RASGRP3: variants seen among roughly 807,000 people sequenced by gnomAD.
RASGRP3 encodes RAS guanyl releasing protein 3.
In RASGRP3, 54 loss-of-function variants were observed where a neutral mutation model predicts 82.7. That is an observed-to-expected ratio of 0.65 (90% CI 0.52 to 0.82). The LOEUF is 0.82. Among genes scored for constraint, RASGRP3 ranks in the 40% least tolerant of loss-of-function variants. The pLI is 0.00. For missense variants in RASGRP3, 861 were observed against 828.9 expected, an observed-to-expected ratio of 1.04 and a Z score of -0.48; for synonymous variants, 309 against 300.5, an observed-to-expected ratio of 1.03 and a Z score of -0.29.
At chr2:33,517,453 G>T (rs1236083763) in intron 4 of RASGRP3, among the ~76,000 whole-genome samples, 1 of 152,246 alleles carries the variant, frequency 6.6e-6, no homozygotes, top group African/African-American at 2.4e-5. Context: ...CTTAGAGAGA[G>T]AGGCACAGCC....
intron 13 of RASGRP3, among the ~76,000 whole-genome samples, chr2:33,548,538 G>A (rs1245021496): frequency 2.0e-5 from 3 of 151,900 alleles, no homozygotes; most frequent in Non-Finnish European, 2.9e-5. Flanking sequence ...CGGGGAGGCT[G>A]GAGAGTGCTG....
At chr2:33,515,353 AGTTT>A in intron 3 of RASGRP3, 147 bp downstream of exon 3, 1 of 716,992 alleles carries the variant, frequency 1.4e-6, no homozygotes, top group South Asian at 1.7e-5. Context: ...CTGTCTCTCC[AGTTT>A]CACTGCCCTC....
intron 1 of RASGRP3, among the ~76,000 whole-genome samples, chr2:33,477,709 G>T (rs1182993832): frequency 6.6e-6 from 1 of 152,190 alleles, no homozygotes; most frequent in Non-Finnish European, 1.5e-5. Context: ...ATGCTTCAGA[G>T]GAAAGGCAAA....
intron 1 of RASGRP3, among the ~76,000 whole-genome samples, chr2:33,490,409 G>C (rs1668749472): frequency 6.6e-6 from 1 of 152,152 alleles, no homozygotes; most frequent in Non-Finnish European, 1.5e-5. Context: ...AACTACCTTT[G>C]TCAAGGTCAC....
At chr2:33,523,103 C>T (rs531094163) in intron 7 of RASGRP3, among the ~76,000 whole-genome samples, 4 of 152,086 alleles carry the variant, frequency 2.6e-5, no homozygotes, top group African/African-American at 9.6e-5. Flanking sequence ...ATTATATTTA[C>T]GTTCATTTCC....
intron 3 of RASGRP3, 124 bp downstream of exon 3, chr2:33,515,330 G>A: frequency 1.1e-6 from 1 of 941,694 alleles, no homozygotes. Context: ...AGGCCTTTCG[G>A]ATGGACCCGG....
intron 2 of RASGRP3, chr2:33,514,056 T>C (rs910402969): frequency 1.3e-5 from 2 of 152,218 alleles, no homozygotes; most frequent in Non-Finnish European, 2.9e-5. Context: ...CATCACCTCA[T>C]CTGTAAACTG....
chr2:33,457,166 G>GGACC (rs1666086920), intron 2 of RASGRP3, among the ~76,000 whole-genome samples: 1 of 151,788 alleles, frequency 6.6e-6, no homozygotes, highest in Admixed American at 6.6e-5. Flanking sequence ...CCGCCATGCC[G>GGACC]GACCGCTAAG....
chr2:33,474,566 G>T (rs546901532), upstream of RASGRP3, among the ~76,000 whole-genome samples: 8 of 152,292 alleles, frequency 5.3e-5, no homozygotes, highest in South Asian at 1.7e-3. Context: ...GCCTCCCAAA[G>T]TGCTGGGATT....
At chr2:33,513,483 T>C (rs180741655) in intron 2 of RASGRP3, among the ~76,000 whole-genome samples, 54 of 152,354 alleles carry the variant, frequency 3.5e-4, no homozygotes, top group Admixed American at 3.1e-3. Flanking sequence ...GTTCCTGGCA[T>C]AGGTCAGGTG....
intron 1 of RASGRP3, among the ~76,000 whole-genome samples, chr2:33,499,162 C>G (rs2150975401): frequency 6.6e-6 from 1 of 152,284 alleles, no homozygotes; most frequent in Non-Finnish European, 1.5e-5. Flanking sequence ...AAGATTCACC[C>G]CATCCCTGGT....
At chr2:33,508,278 A>G (rs1238561212) in intron 1 of RASGRP3, among the ~76,000 whole-genome samples, 1 of 152,206 alleles carries the variant, frequency 6.6e-6, no homozygotes, top group African/African-American at 2.4e-5. Flanking sequence ...TCAAGGGGAA[A>G]TTTTGAGTTA....
intron 1 of RASGRP3, among the ~76,000 whole-genome samples, chr2:33,478,863 G>A (rs13031142): frequency 0.47 from 70,916 of 151,976 alleles, 17,563 homozygotes; most frequent in Middle Eastern, 0.56. Context: ...CAAATGATGC[G>A]CTAAACAAGT....
At chr2:33,528,529 C>T (rs1672795805) in intron 10 of RASGRP3, among the ~76,000 whole-genome samples, 1 of 152,218 alleles carries the variant, frequency 6.6e-6, no homozygotes, top group Non-Finnish European at 1.5e-5. Flanking sequence ...ACTGTAGCAT[C>T]TGAAACTCAG....
At chr2:33,446,836 T>C (rs1665526536) in intron 1 of RASGRP3, among the ~76,000 whole-genome samples, 1 of 151,690 alleles carries the variant, frequency 6.6e-6, no homozygotes. Context: ...TAAAAAAATA[T>C]ATCAATAGAA....
At chr2:33,536,109 C>G (rs1297683072) in intron 11 of RASGRP3, among the ~76,000 whole-genome samples, 1 of 151,942 alleles carries the variant, frequency 6.6e-6, no homozygotes, top group East Asian at 1.9e-4. Flanking sequence ...TTGAGACCAG[C>G]CTGGCCAACA....
chr2:33,525,358 T>G (rs1574421883), intron 9 of RASGRP3, among the ~76,000 whole-genome samples: 1 of 144,036 alleles, frequency 6.9e-6, no homozygotes, highest in Non-Finnish European at 1.5e-5. Context: ...ATATATATAT[T>G]AGAAACAGTG....
At chr2:33,497,745 T>C (rs2150972144) in intron 1 of RASGRP3, among the ~76,000 whole-genome samples, 1 of 152,360 alleles carries the variant, frequency 6.6e-6, no homozygotes, top group East Asian at 1.9e-4. Flanking sequence ...TAAATACTTC[T>C]TAAAAATTAG....
intron 1 of RASGRP3, chr2:33,482,090 T>A (rs987694376): frequency 6.6e-6 from 1 of 151,650 alleles, no homozygotes; most frequent in Non-Finnish European, 1.5e-5. Context: ...CTCGGCTCAC[T>A]GCAAGCTCCG....
Sources: allele counts gnomAD v4.1 joint callset (sites outside exome capture counted in the v4.1 genomes callset), GRCh38; gene constraint gnomAD v4.1.1; transcripts MANE v1.5; gene names NCBI Gene and HGNC (gene_info 2026-07-23, HGNC 2026-07-21).